CD99L2: variants seen among roughly 807,000 people sequenced by gnomAD.
The protein encoded by CD99L2 is CD99 antigen-like protein 2.
CD99L2 carries 24 observed loss-of-function variants against 27.3 expected under a neutral mutation model. The observed-to-expected ratio is 0.88, with a 90% CI of 0.64 to 1.24. The LOEUF is 1.24. Among genes scored for constraint, CD99L2 ranks in the 50% most tolerant of loss-of-function variants. The probability of loss-of-function intolerance (pLI) is 0.00; values close to 1 mark genes in which losing one functional copy is unlikely to be tolerated. For synonymous variants in CD99L2, 97 were observed against 87.9 expected, an observed-to-expected ratio of 1.10 and a Z score of -0.58; for missense variants, 255 against 221.6, an observed-to-expected ratio of 1.15 and a Z score of -0.96.
intron 1 of CD99L2, among the ~76,000 whole-genome samples, chrX:150,884,587 G>A (rs1557422570): frequency 8.9e-6 from 1 of 112,142 alleles, no homozygotes; most frequent in Non-Finnish European, 1.9e-5. Context: ...GCTGAGGGGG[G>A]AGGATCAATC....
intron 10 of CD99L2, among the ~76,000 whole-genome samples, chrX:150,770,098 A>G (rs1303813714): frequency 2.7e-5 from 3 of 113,027 alleles, no homozygotes; most frequent in African/African-American, 9.6e-5. Context: ...AGTCACAGGC[A>G]TGGCAGCAGA....
intron 1 of CD99L2, among the ~76,000 whole-genome samples, chrX:150,866,504 A>T (rs2047063324): frequency 9.0e-6 from 1 of 111,437 alleles, no homozygotes. Context: ...AGGCCAAGGC[A>T]GAAGGATTGC....
At chrX:150,788,403 C>T (rs1557419629) in intron 7 of CD99L2, among the ~76,000 whole-genome samples, 3 of 111,318 alleles carry the variant, frequency 2.7e-5, no homozygotes, top group Non-Finnish European at 3.8e-5. Flanking sequence ...TTCTCTCTTG[C>T]GGCTGCAAGG....
At chrX:150,773,569 C>T (rs57434995) in intron 9 of CD99L2, among the ~76,000 whole-genome samples, 8,449 of 112,225 alleles carry the variant, frequency 0.075, 292 homozygotes, top group South Asian at 0.11. Flanking sequence ...GTGAAGAATG[C>T]CCCGCCCCAT....
intron 1 of CD99L2, among the ~76,000 whole-genome samples, chrX:150,876,174 T>C (rs1351406635): frequency 8.9e-6 from 1 of 112,179 alleles, no homozygotes; most frequent in Non-Finnish European, 1.9e-5. Context: ...AGCCTTACAT[T>C]TTTCAGAATG....
At chrX:150,799,879 C>T (rs1382352444) in intron 4 of CD99L2, among the ~76,000 whole-genome samples, 2 of 111,561 alleles carry the variant, frequency 1.8e-5, no homozygotes, top group Non-Finnish European at 3.8e-5. Context: ...CTTCTAGGTC[C>T]ATACCCATAT....
intron 1 of CD99L2, among the ~76,000 whole-genome samples, chrX:150,874,324 G>A (rs1420517851): frequency 8.9e-6 from 1 of 112,030 alleles, no homozygotes; most frequent in Non-Finnish European, 1.9e-5. Context: ...CCTGAGTCAG[G>A]TCTTAGTGGT....
intron 10 of CD99L2, among the ~76,000 whole-genome samples, chrX:150,769,505 T>C (rs2043375587): frequency 8.9e-6 from 1 of 112,431 alleles, no homozygotes; most frequent in Non-Finnish European, 1.9e-5. Flanking sequence ...AGGCCTATTT[T>C]AGTTCATTTG....
intron 4 of CD99L2, among the ~76,000 whole-genome samples, chrX:150,796,309 G>T (rs2045796273): frequency 8.9e-6 from 1 of 112,408 alleles, no homozygotes; most frequent in African/African-American, 3.2e-5. Context: ...GTTGTCTGTG[G>T]ATCAAAGAAA....
At chrX:150,809,866 A>G (rs2046047935) in intron 4 of CD99L2, among the ~76,000 whole-genome samples, 3 of 112,389 alleles carry the variant, frequency 2.7e-5, no homozygotes, top group African/African-American at 9.7e-5. Context: ...ATTTTAGACA[A>G]AAAGTAACAC....
chrX:150,891,995 G>A (rs2047520128), intron 1 of CD99L2, among the ~76,000 whole-genome samples: 1 of 111,129 alleles, frequency 9.0e-6, no homozygotes, highest in South Asian at 3.8e-4. Flanking sequence ...TGAGGCAGGT[G>A]GATCACCTGA....
intron 2 of CD99L2, among the ~76,000 whole-genome samples, chrX:150,830,538 T>C (rs782538008): frequency 4.7e-4 from 43 of 91,232 alleles, no homozygotes; most frequent in Middle Eastern, 5.4e-3. Context: ...GCTTGGGCAA[T>C]AGAGTAAGAT....
intron 1 of CD99L2, among the ~76,000 whole-genome samples, chrX:150,832,923 C>T (rs1179339856): frequency 9.1e-6 from 1 of 110,170 alleles, no homozygotes; most frequent in Non-Finnish European, 1.9e-5. Flanking sequence ...GGCATGGTGG[C>T]GGGTGCCTGT....
intron 9 of CD99L2, among the ~76,000 whole-genome samples, chrX:150,771,370 G>A (rs191576095): frequency 0.012 from 1,297 of 112,711 alleles, 23 homozygotes; most frequent in African/African-American, 0.04. Context: ...CACGCAGAGC[G>A]GGGCAGGTGA....
At chrX:150,789,509 T>C (rs1312257606) in intron 7 of CD99L2, among the ~76,000 whole-genome samples, 3 of 112,319 alleles carry the variant, frequency 2.7e-5, no homozygotes, top group African/African-American at 9.7e-5. Flanking sequence ...GCTTGTCTTT[T>C]TCTTTTCTTC....
intron 1 of CD99L2, among the ~76,000 whole-genome samples, chrX:150,892,821 G>A (rs781924794): frequency 1.3e-4 from 14 of 109,951 alleles, no homozygotes; most frequent in Admixed American, 2.9e-4. Context: ...TTCTGTGCAC[G>A]TGTTTAAAAA....
intron 1 of CD99L2, among the ~76,000 whole-genome samples, chrX:150,882,961 C>T (rs1179665390): frequency 9.0e-6 from 1 of 111,287 alleles, no homozygotes; most frequent in Non-Finnish European, 1.9e-5. Flanking sequence ...CACCTGAGGT[C>T]AGGAGTTCGA....
intron 9 of CD99L2, chrX:150,771,798 G>C: frequency 3.5e-6 from 4 of 1,155,606 alleles, no homozygotes; most frequent in Non-Finnish European, 4.6e-6. Context: ...AGGCAAAGCA[G>C]CGTTACCTTG....
intron 4 of CD99L2, among the ~76,000 whole-genome samples, chrX:150,808,482 A>G (rs1254664177): frequency 1.8e-5 from 2 of 111,804 alleles, no homozygotes; most frequent in African/African-American, 6.5e-5. Context: ...GTTGAAAGAG[A>G]ATGCCAGTCT....
Sources: allele counts gnomAD v4.1 joint callset (sites outside exome capture counted in the v4.1 genomes callset), GRCh38; gene constraint gnomAD v4.1.1; transcripts MANE v1.5; gene names NCBI Gene and HGNC (gene_info 2026-07-23, HGNC 2026-07-21).